CADM2: variants seen among roughly 807,000 people sequenced by gnomAD.
The protein encoded by CADM2 is immunoglobulin superfamily member 4D.
Under a neutral mutation model 49.8 loss-of-function variants are expected in CADM2, and 12 were observed. That is an observed-to-expected ratio of 0.24 (90% CI 0.15 to 0.39). The LOEUF is 0.39. Ranked by LOEUF, CADM2 falls within the 10% of genes least tolerant of loss-of-function variation. CADM2 has a pLI of 1.00. For synonymous variants in CADM2, 214 were observed against 175.4 expected (o/e 1.22, Z -1.74); for missense variants, 378 against 492.3 (o/e 0.77, Z 2.20).
At chr3:85,459,967 C>T (rs1466493397) in intron 1 of CADM2, among the ~76,000 whole-genome samples, 2 of 152,124 alleles carry the variant, frequency 1.3e-5, no homozygotes, top group Non-Finnish European at 2.9e-5. Context: ...AAAAGATTAA[C>T]ATATTTTAAA....
intron 1 of CADM2, among the ~76,000 whole-genome samples, chr3:85,584,434 G>A (rs1421639727): frequency 6.6e-6 from 1 of 152,002 alleles, no homozygotes; most frequent in Admixed American, 6.6e-5. Flanking sequence ...TTTATCTACA[G>A]TAATGCAAAG....
At chr3:85,233,668 A>C (rs2042348882) in intron 1 of CADM2, among the ~76,000 whole-genome samples, 1 of 152,278 alleles carries the variant, frequency 6.6e-6, no homozygotes, top group Non-Finnish European at 1.5e-5. Context: ...AATCAATTTT[A>C]TTGAAATTGA....
chr3:85,326,958 A>T (rs1481808290), intron 1 of CADM2, among the ~76,000 whole-genome samples: 1 of 151,442 alleles, frequency 6.6e-6, no homozygotes, highest in South Asian at 2.1e-4. Context: ...TTTTTTTTTT[A>T]AATAAAATAG....
At chr3:85,270,417 T>C (rs1294086954) in intron 1 of CADM2, among the ~76,000 whole-genome samples, 2 of 151,344 alleles carry the variant, frequency 1.3e-5, no homozygotes, top group African/African-American at 4.8e-5. Flanking sequence ...CATTTTGTGT[T>C]TCATAAAGAG....
intron 1 of CADM2, among the ~76,000 whole-genome samples, chr3:85,013,984 A>C: frequency 6.9e-6 from 1 of 144,776 alleles, no homozygotes; most frequent in Non-Finnish European, 1.5e-5. Flanking sequence ...ATTGTATATT[A>C]TATATACGCA....
chr3:85,810,747 C>A (rs1314045404), intron 3 of CADM2, among the ~76,000 whole-genome samples: 1 of 151,798 alleles, frequency 6.6e-6, no homozygotes, highest in Non-Finnish European at 1.5e-5. Flanking sequence ...ACCATGTTGA[C>A]CACGCTGGTC....
intron 1 of CADM2, among the ~76,000 whole-genome samples, chr3:85,607,735 C>A (rs1485679482): frequency 6.6e-6 from 1 of 151,970 alleles, no homozygotes; most frequent in African/African-American, 2.4e-5. Flanking sequence ...CAGCTCACTG[C>A]AGCCTCCACC....
chr3:85,657,707 TAC>T (rs202094200), intron 1 of CADM2, among the ~76,000 whole-genome samples: 1,839 of 61,006 alleles, frequency 0.03, 14 homozygotes, highest in Non-Finnish European at 0.055. Flanking sequence ...GATATATATA[TAC>T]ACAGATATAT....
At chr3:84,969,754 A>G (rs1348647250) in intron 1 of CADM2, among the ~76,000 whole-genome samples, 1 of 151,978 alleles carries the variant, frequency 6.6e-6, no homozygotes, top group Non-Finnish European at 1.5e-5. Context: ...TGTACTTAAC[A>G]AAAATATGAA....
intron 1 of CADM2, among the ~76,000 whole-genome samples, chr3:85,015,282 T>C (rs1275289297): frequency 2.0e-5 from 3 of 152,168 alleles, no homozygotes; most frequent in African/African-American, 7.2e-5. Flanking sequence ...TCCATGGCAC[T>C]GGTGAAAACT....
intron 1 of CADM2, among the ~76,000 whole-genome samples, chr3:85,489,904 A>G (rs1027904169): frequency 6.6e-6 from 1 of 152,030 alleles, no homozygotes; most frequent in Non-Finnish European, 1.5e-5. Flanking sequence ...CCAAGCTGAT[A>G]TGCAGGTTTT....
chr3:85,204,332 A>G (rs572397852), intron 1 of CADM2, among the ~76,000 whole-genome samples: 1 of 152,090 alleles, frequency 6.6e-6, no homozygotes, highest in Non-Finnish European at 1.5e-5. Context: ...CTATTTGACT[A>G]TTTGTTACTT....
chr3:85,890,973 T>A (rs1035777762), intron 5 of CADM2, among the ~76,000 whole-genome samples: 7 of 152,210 alleles, frequency 4.6e-5, no homozygotes, highest in African/African-American at 1.7e-4. Flanking sequence ...AAAGAGCTTT[T>A]ATTCCAGATT....
At position 85,898,937 on chromosome 3, in the gene CADM2, G is replaced by GTGTATA. The variant is rs796467067; in HGVS notation, c.529+12611_529+12612insGTATAT. Among the ~76,000 whole-genome samples, 33 of 46,688 alleles carry GTGTATA rather than the reference G, an allele frequency of 7.1e-4. 3 individuals are homozygous for GTGTATA. Among genetic ancestry groups the GTGTATA allele is most frequent in the East Asian group, 2.2e-3 (3 of 1,384 alleles). The allele number at this position is 46,688 out of a possible 152,430, so 30.6% of individuals were successfully genotyped here. On this transcript the variant is annotated intron_variant, in intron 5 of 9. Transcript: ENST00000383699. ...TCATAAAATCCAATTCATTTATTGT[G>GTGTATA]TATATATATATATATATATTTTTTT...
At chr3:85,504,286 T>G (rs537198434) in intron 1 of CADM2, among the ~76,000 whole-genome samples, 9 of 151,884 alleles carry the variant, frequency 5.9e-5, no homozygotes, top group Non-Finnish European at 8.8e-5. Context: ...GGGCTCGTGG[T>G]CTCGCTGGCT....
At chr3:85,383,719 AC>A (rs1280434136) in intron 1 of CADM2, among the ~76,000 whole-genome samples, 1 of 150,854 alleles carries the variant, frequency 6.6e-6, no homozygotes, top group African/African-American at 2.4e-5. Flanking sequence ...ATATATTTAA[AC>A]TTTTTATGAT....
At chr3:85,710,175 C>T (rs2067074557) in intron 1 of CADM2, among the ~76,000 whole-genome samples, 2 of 152,180 alleles carry the variant, frequency 1.3e-5, no homozygotes, top group South Asian at 4.1e-4. Context: ...TCTTATTACA[C>T]CTTCATAGCA....
chr3:85,147,838 A>C (rs1205194339), intron 1 of CADM2, among the ~76,000 whole-genome samples: 1 of 152,208 alleles, frequency 6.6e-6, no homozygotes, highest in African/African-American at 2.4e-5. Context: ...AGGAGGAACC[A>C]GAAATTTAAA....
At chr3:85,499,822 G>T (rs2040044646) in intron 1 of CADM2, among the ~76,000 whole-genome samples, 1 of 152,014 alleles carries the variant, frequency 6.6e-6, no homozygotes, top group African/African-American at 2.4e-5. Context: ...AAATTAGGCT[G>T]CTTTTCCTGA....
Sources: allele counts gnomAD v4.1 joint callset (sites outside exome capture counted in the v4.1 genomes callset), GRCh38; gene constraint gnomAD v4.1.1; transcripts MANE v1.5; gene names NCBI Gene and HGNC (gene_info 2026-07-23, HGNC 2026-07-21).